Variants in SERGEF observed in about 807,000 individuals in gnomAD.
SERGEF encodes the protein secretion-regulating guanine nucleotide exchange factor.
A neutral mutation model predicts 50.0 loss-of-function variants in SERGEF; 51 were observed. The observed-to-expected ratio is 1.02, with a 90% CI of 0.81 to 1.29. The LOEUF (loss-of-function observed/expected upper bound fraction) is 1.29, where lower values mean the gene tolerates loss of function less well. SERGEF is among the 50% of genes most tolerant of loss of function. The pLI is 0.00. For synonymous variants in SERGEF, 205 were observed against 212.4 expected (o/e 0.97, Z 0.30); for missense variants, 521 against 557.0 (o/e 0.94, Z 0.65).
chr11:17,810,145 A>G (rs1383057341), intron 10 of SERGEF, among the ~76,000 whole-genome samples: 1 of 152,100 alleles, frequency 6.6e-6, no homozygotes, highest in Non-Finnish European at 1.5e-5. Context: ...AACCTGCCTT[A>G]TTTCTCTGTC....
At chr11:17,909,665 G>A (rs928333190) in intron 9 of SERGEF, among the ~76,000 whole-genome samples, 1 of 152,202 alleles carries the variant, frequency 6.6e-6, no homozygotes, top group Non-Finnish European at 1.5e-5. Context: ...AACTACATTT[G>A]TGCAGAGTGG....
At chr11:17,886,192 T>C (rs1851425024) in intron 9 of SERGEF, among the ~76,000 whole-genome samples, 1 of 152,170 alleles carries the variant, frequency 6.6e-6, no homozygotes, top group African/African-American at 2.4e-5. Flanking sequence ...ACCTCTGCTA[T>C]CTACAGAATA....
At chr11:17,985,223 C>T (rs1853569406) in intron 8 of SERGEF, among the ~76,000 whole-genome samples, 4 of 152,234 alleles carry the variant, frequency 2.6e-5, no homozygotes, top group Admixed American at 1.3e-4. Flanking sequence ...AATTTACTTA[C>T]ATACCCCAGG....
chr11:17,924,105 TGA>T (rs1852208732), intron 9 of SERGEF, among the ~76,000 whole-genome samples: 1 of 152,150 alleles, frequency 6.6e-6, no homozygotes, highest in African/African-American at 2.4e-5. Flanking sequence ...AATCCCTGAC[TGA>T]GAGTCAATAC....
intron 8 of SERGEF, among the ~76,000 whole-genome samples, chr11:17,981,600 T>C (rs1853496210): frequency 1.3e-5 from 2 of 152,178 alleles, no homozygotes; most frequent in Admixed American, 6.5e-5. Context: ...GATGTGAAAG[T>C]ACTTTATAGT....
chr11:17,992,685 CTA>C (rs778052811), intron 7 of SERGEF, among the ~76,000 whole-genome samples: 1 of 152,134 alleles, frequency 6.6e-6, no homozygotes, highest in Non-Finnish European at 1.5e-5. Context: ...GGAAGTGAGC[CTA>C]TGTCTGCTAT....
chr11:17,935,977 G>A (rs571419779), intron 9 of SERGEF, among the ~76,000 whole-genome samples: 30 of 152,216 alleles, frequency 2.0e-4, no homozygotes, highest in African/African-American at 7.2e-4. Context: ...CAGTCTTTAT[G>A]TGCATATGTG....
chr11:17,863,337 G>A (rs1359120050), intron 10 of SERGEF, among the ~76,000 whole-genome samples: 2 of 152,114 alleles, frequency 1.3e-5, no homozygotes, highest in African/African-American at 4.8e-5. Flanking sequence ...AATAACCCAC[G>A]ATAGTTCTAC....
chr11:17,955,769 A>G (rs1188327301), intron 9 of SERGEF, among the ~76,000 whole-genome samples: 1 of 152,218 alleles, frequency 6.6e-6, no homozygotes, highest in Non-Finnish European at 1.5e-5. Flanking sequence ...TGGGGACAAG[A>G]AACAAGGGCA....
intron 9 of SERGEF, among the ~76,000 whole-genome samples, chr11:17,908,440 C>T (rs540798199): frequency 2.7e-4 from 41 of 152,284 alleles, no homozygotes; most frequent in African/African-American, 9.9e-4. Flanking sequence ...CCTTAGGAGT[C>T]AGTTCAGACA....
At chr11:17,942,092 C>G (rs1852573748) in intron 9 of SERGEF, among the ~76,000 whole-genome samples, 1 of 150,252 alleles carries the variant, frequency 6.7e-6, no homozygotes, top group Non-Finnish European at 1.5e-5. Context: ...ATAGTCACAG[C>G]CTTTTATGTT....
chr11:17,813,448 T>A (rs1382900160), intron 10 of SERGEF, among the ~76,000 whole-genome samples: 2 of 152,164 alleles, frequency 1.3e-5, no homozygotes, highest in Non-Finnish European at 2.9e-5. Context: ...AGAGATCCCA[T>A]CTAAAACATT....
intron 10 of SERGEF, among the ~76,000 whole-genome samples, chr11:17,833,596 G>C (rs1850350995): frequency 6.6e-6 from 1 of 152,218 alleles, no homozygotes; most frequent in Non-Finnish European, 1.5e-5. Context: ...AAAAGCTGCA[G>C]ACACTCAACC....
At chr11:17,799,654 T>C (rs570008769) in intron 10 of SERGEF, among the ~76,000 whole-genome samples, 3 of 152,084 alleles carry the variant, frequency 2.0e-5, no homozygotes, top group African/African-American at 7.2e-5. Context: ...GTGGAGGTGG[T>C]AGTAAGAAGG....
chr11:17,869,059 G>T (rs1297097083), intron 10 of SERGEF, among the ~76,000 whole-genome samples: 1 of 152,142 alleles, frequency 6.6e-6, no homozygotes, highest in Non-Finnish European at 1.5e-5. Flanking sequence ...AAAGTGCTGG[G>T]ATTACAGGTG....
intron 10 of SERGEF, among the ~76,000 whole-genome samples, chr11:17,858,661 T>C (rs767775541): frequency 7.9e-5 from 12 of 152,024 alleles, no homozygotes; most frequent in Admixed American, 2.0e-4. Flanking sequence ...AAAACCTCTG[T>C]ATCAGTTAGA....
chr11:17,850,861 G>A (rs1329246678), intron 10 of SERGEF, among the ~76,000 whole-genome samples: 1 of 152,156 alleles, frequency 6.6e-6, no homozygotes, highest in African/African-American at 2.4e-5. Context: ...CACCAGGGGG[G>A]CAATTGTAAA....
At chr11:17,823,784 C>T (rs1297442522) in intron 10 of SERGEF, among the ~76,000 whole-genome samples, 1 of 152,142 alleles carries the variant, frequency 6.6e-6, no homozygotes, top group East Asian at 1.9e-4. Flanking sequence ...CCTTTATTCC[C>T]CACAATTCTC....
chr11:17,889,692 G>T (rs538921075), intron 9 of SERGEF, among the ~76,000 whole-genome samples: 5 of 152,290 alleles, frequency 3.3e-5, no homozygotes, highest in African/African-American at 1.2e-4. Flanking sequence ...TTAGATAAGA[G>T]TATTCTATCA....
Sources: gnomAD v4.1 joint callset for allele counts (sites outside exome capture counted in the v4.1 genomes callset) on GRCh38, gnomAD v4.1.1 for gene constraint, MANE v1.5 for transcripts, NCBI Gene and HGNC (gene_info 2026-07-23, HGNC 2026-07-21) for gene names.